Variants in FBXO9 observed in about 807,000 individuals in gnomAD.
FBXO9 encodes the protein F-box protein 9.
Under a neutral mutation model 63.7 loss-of-function variants are expected in FBXO9, and 43 were observed. The observed-to-expected ratio is 0.67, with a 90% CI of 0.53 to 0.87. FBXO9 has a LOEUF of 0.87. FBXO9 is among the 40% of genes least tolerant of loss of function. The probability of loss-of-function intolerance (pLI) is 0.00; values close to 1 mark genes in which losing one functional copy is unlikely to be tolerated. For synonymous variants in FBXO9, 156 were observed against 171.7 expected, an observed-to-expected ratio of 0.91 and a Z score of 0.72; for missense variants, 442 against 533.2, an observed-to-expected ratio of 0.83 and a Z score of 1.68.
intron 7 of FBXO9, chr6:53,091,317 T>C (rs1019082824): frequency 2.0e-5 from 3 of 152,220 alleles, no homozygotes; most frequent in African/African-American, 7.2e-5. Flanking sequence ...GAAATACTTT[T>C]AGTTATAGCA....
At chr6:53,074,874 T>G (rs1445138459) in intron 3 of FBXO9, among the ~76,000 whole-genome samples, 1 of 152,228 alleles carries the variant, frequency 6.6e-6, no homozygotes, top group African/African-American at 2.4e-5. Context: ...GACATTTGAG[T>G]TGTTTCCAAT....
rs112716908 is a variant in FBXO9, at chr6:53,080,297, G to GT, written c.408-660dup. Among the ~76,000 whole-genome samples the GT allele has an allele frequency of 5.4e-3, 760 of 140,122 alleles. 3 individuals are homozygous for GT. Among genetic ancestry groups the GT allele is most frequent in the Middle Eastern group, 0.016 (4 of 254 alleles). 91.9% of individuals were successfully genotyped at this position (140,122 alleles called of 152,430 possible). A position where few individuals can be genotyped will look rare whatever the true frequency, so the allele number is the denominator to read the frequency against. Reference sequence around the variant, plus strand: ...GTTGTATTACAAAATGCCCTTCCTGGTTTTTTTTTTTGTTTTTTTGTTTTT... The same window carrying GT: ...GTTGTATTACAAAATGCCCTTCCTGGTTTTTTTTTTTTGTTTTTTTGTTTTT... On this transcript the variant is annotated intron_variant, in intron 5 of 12. Transcript: ENST00000323557.
intron 7 of FBXO9, among the ~76,000 whole-genome samples, chr6:53,090,201 A>G (rs949567673): frequency 1.3e-5 from 2 of 152,184 alleles, no homozygotes; most frequent in African/African-American, 2.4e-5. Context: ...ATAAGGTTTA[A>G]TGGCCTTTGT....
At chr6:53,078,732 A>T in intron 4 of FBXO9, 67 bp from the exon 5 acceptor site, 1 of 1,179,318 alleles carries the variant, frequency 8.5e-7, no homozygotes, top group Non-Finnish European at 1.3e-6. Flanking sequence ...AACCACAGTT[A>T]AGGGTAATCA....
At chr6:53,084,225 A>G (rs1769401319) in intron 7 of FBXO9, among the ~76,000 whole-genome samples, 1 of 152,242 alleles carries the variant, frequency 6.6e-6, no homozygotes, top group African/African-American at 2.4e-5. Context: ...ACCAGTGACC[A>G]CAGGGAATTA....
intron 6 of FBXO9, 28 bp downstream of exon 6, chr6:53,081,126 G>A (rs1769297633): frequency 6.3e-7 from 1 of 1,591,294 alleles, no homozygotes; most frequent in Non-Finnish European, 8.5e-7. Flanking sequence ...TCATAACTCA[G>A]TGAGAAATAT....
At chr6:53,074,821 C>A (rs1346425804) in intron 3 of FBXO9, among the ~76,000 whole-genome samples, 5 of 152,156 alleles carry the variant, frequency 3.3e-5, no homozygotes, top group Non-Finnish European at 7.4e-5. Context: ...AATAGTATTG[C>A]ATGGTATGGA....
At chr6:53,081,376 A>G (rs1581818340) in intron 6 of FBXO9, among the ~76,000 whole-genome samples, 1 of 152,156 alleles carries the variant, frequency 6.6e-6, no homozygotes, top group African/African-American at 2.4e-5. Flanking sequence ...GGTTCAAGCA[A>G]TTCTGCTGCC....
chr6:53,089,220 G>A (rs1186572817), intron 7 of FBXO9, among the ~76,000 whole-genome samples: 1 of 151,890 alleles, frequency 6.6e-6, no homozygotes, highest in Non-Finnish European at 1.5e-5. Flanking sequence ...GACTACAGGC[G>A]CCCGCCACCA....
chr6:53,098,345 A>T lies in FBXO9; in HGVS notation c.*515A>T, dbSNP rs182692912. The T allele has an allele frequency of 1.8e-3, 285 of 161,798 alleles. 1 individual carries two copies. The highest frequency in any genetic ancestry group is 6.4e-3 in the African/African-American group (268 of 41,736). The allele number at this position is 161,798 out of a possible 1,614,324, so 10.0% of individuals were successfully genotyped here. A position where few individuals can be genotyped will look rare whatever the true frequency, so the allele number is the denominator to read the frequency against. ...GTTTGAAATTATTTCACCAATAAAG[A>T]TCATAAATAAATGTTTCTTTCAAGA... On this transcript the variant is annotated 3_prime_UTR_variant, in exon 13 of 13. Coordinates refer to ENST00000323557, the MANE Select transcript of FBXO9 (RefSeq NM_033480.3).
In FBXO9 at chr6:53,065,583, G is replaced by C; in HGVS notation, c.-207G>C. ...CCGCCACCCCAGCGCGCCCCGATCT[G>C]GCCCCCTGCCCCGCGAAGATGGCTG... On this transcript the variant is annotated 5_prime_UTR_variant, in exon 1 of 13. Coordinates refer to ENST00000323557, the MANE Select transcript of FBXO9 (RefSeq NM_033480.3). The C allele has an allele frequency of 1.9e-6, 1 of 527,142 alleles. No individual in the cohort carries two copies. 32.7% of individuals were successfully genotyped at this position (527,142 alleles called of 1,614,324 possible).
Position 53,093,981 on chromosome 6 carries a change from G to C in FBXO9, c.1053+3G>C. 6.5e-7 allele frequency: 1 copy of C among 1,531,952 alleles called. No individual in the cohort carries two copies. The highest frequency in any genetic ancestry group is 8.8e-7 in the Non-Finnish European group (1 of 1,131,436). The allele number at this position is 1,531,952 out of a possible 1,614,324, so 94.9% of individuals were successfully genotyped here. A position where few individuals can be genotyped will look rare whatever the true frequency, so the allele number is the denominator to read the frequency against. Reference sequence around the variant, plus strand: ...TAATAACTAAGAAAAAAGAAGAAGTGAGTATACGAGGTGTAATTAATAGTT... The same window carrying C: ...TAATAACTAAGAAAAAAGAAGAAGTCAGTATACGAGGTGTAATTAATAGTT... On this transcript the variant is annotated splice_donor_region_variant and intron_variant, in intron 11 of 12. Transcript: ENST00000323557.
chr6:53,078,997 C>A, intron 5 of FBXO9, 99 bp downstream of exon 5: 2 of 780,676 alleles, frequency 2.6e-6, no homozygotes, highest in East Asian at 2.6e-5. Context: ...CTGTTGAGCT[C>A]TATACTCTTT....
At chr6:53,071,507 A>G (rs1435932517) in intron 2 of FBXO9, among the ~76,000 whole-genome samples, 1 of 152,214 alleles carries the variant, frequency 6.6e-6, no homozygotes, top group Non-Finnish European at 1.5e-5. Context: ...ACTGTTTATT[A>G]TATATGGGCA....
chr6:53,076,799 TA>T (rs34970749), intron 4 of FBXO9, among the ~76,000 whole-genome samples: 111,932 of 150,638 alleles, frequency 0.74, 42,086 homozygotes, highest in South Asian at 0.87. Flanking sequence ...ATTTTTTTTT[TA>T]AATTTGTATT....
At chr6:53,076,000 T>A (rs751487462) in intron 3 of FBXO9, among the ~76,000 whole-genome samples, 1 of 152,060 alleles carries the variant, frequency 6.6e-6, no homozygotes, top group Non-Finnish European at 1.5e-5. Flanking sequence ...GACCTCAGCC[T>A]CCCAAAGTGC....
intron 1 of FBXO9, among the ~76,000 whole-genome samples, chr6:53,069,630 C>G (rs1768838672): frequency 6.6e-6 from 1 of 152,122 alleles, no homozygotes; most frequent in African/African-American, 2.4e-5. Context: ...TTATTGACAC[C>G]TCAGCAAAAT....
chr6:53,089,119 G>C (rs1057166439), intron 7 of FBXO9, among the ~76,000 whole-genome samples: 12 of 151,500 alleles, frequency 7.9e-5, no homozygotes, highest in Admixed American at 2.0e-4. Flanking sequence ...TGCCGCCCAG[G>C]CTGCAGGTGC....
intron 11 of FBXO9, chr6:53,094,821 T>C (rs1466471869): frequency 4.7e-6 from 2 of 426,592 alleles, no homozygotes; most frequent in Non-Finnish European, 9.4e-6. Context: ...TTGCTTTGAC[T>C]GTGACTGCAG....
Sources: gnomAD v4.1 joint callset for allele counts (sites outside exome capture counted in the v4.1 genomes callset) on GRCh38, gnomAD v4.1.1 for gene constraint, MANE v1.5 for transcripts, NCBI Gene and HGNC (gene_info 2026-07-23, HGNC 2026-07-21) for gene names.